FHIT: variants seen among roughly 807,000 people sequenced by gnomAD.
FHIT encodes bis(5'-adenosyl)-triphosphatase.
FHIT carries 19 observed loss-of-function variants against 17.9 expected under a neutral mutation model. The observed-to-expected ratio is 1.06, with a 90% CI of 0.74 to 1.56. The LOEUF (loss-of-function observed/expected upper bound fraction) is 1.56, where lower values mean the gene tolerates loss of function less well. Ranked by LOEUF, FHIT falls within the 40% of genes most tolerant of loss-of-function variation. The pLI is 0.00. For missense variants in FHIT, 248 were observed against 189.2 expected (o/e 1.31, Z -1.82); for synonymous variants, 81 against 69.7 (o/e 1.16, Z -0.81).
chr3:60,249,183 G>A (rs967695180), intron 5 of FHIT, among the ~76,000 whole-genome samples: 6 of 152,086 alleles, frequency 3.9e-5, no homozygotes, highest in African/African-American at 1.2e-4. Flanking sequence ...CAAGGCAGGG[G>A]TAGAATTTTT....
At chr3:60,385,842 T>C (rs1031204016) in intron 5 of FHIT, among the ~76,000 whole-genome samples, 2 of 152,074 alleles carry the variant, frequency 1.3e-5, no homozygotes, top group Admixed American at 6.6e-5. Flanking sequence ...CCTCCCCAAA[T>C]GCTGGAATGA....
intron 5 of FHIT, among the ~76,000 whole-genome samples, chr3:60,332,429 A>G (rs1443656564): frequency 2.6e-5 from 4 of 152,250 alleles, no homozygotes; most frequent in African/African-American, 7.2e-5. Flanking sequence ...AGACAGTATC[A>G]TCACAGAAAG....
In FHIT at chr3:61,249,647, G is replaced by C. The variant is rs142642778; in HGVS notation, c.-213+1654C>G. ...TAGCCTTAGTTTTCTAATCTGTAAA[G>C]TTGATATAAAAATGGTTCTCACTCT... is the stretch of plus-strand genomic sequence containing the variant. On this transcript the variant is annotated intron_variant, in intron 1 of 9. Coordinates refer to ENST00000492590, the MANE Select transcript of FHIT (RefSeq NM_002012.4). Among the ~76,000 whole-genome samples, 567 of 152,192 alleles carry C rather than the reference G, an allele frequency of 3.7e-3. 3 individuals carry two copies. The highest frequency in any genetic ancestry group is 0.013 in the African/African-American group (545 of 41,534).
intron 3 of FHIT, among the ~76,000 whole-genome samples, chr3:60,872,589 G>T (rs1704459429): frequency 6.6e-6 from 1 of 152,004 alleles, no homozygotes; most frequent in South Asian, 2.1e-4. Flanking sequence ...AGAAAATTAT[G>T]CCTCAAAAAT....
chr3:61,236,803 C>T (rs2040240879), intron 1 of FHIT, among the ~76,000 whole-genome samples: 1 of 152,180 alleles, frequency 6.6e-6, no homozygotes, highest in Admixed American at 6.5e-5. Flanking sequence ...CTCCCTCTCT[C>T]TGCTCCCTGC....
At chr3:60,577,854 C>T (rs1450273157) in intron 4 of FHIT, among the ~76,000 whole-genome samples, 1 of 152,266 alleles carries the variant, frequency 6.6e-6, no homozygotes, top group Non-Finnish European at 1.5e-5. Context: ...CAATCTTCTG[C>T]TTCCCCTTTT....
At chr3:59,967,106 T>C (rs1291188025) in intron 7 of FHIT, among the ~76,000 whole-genome samples, 1 of 152,084 alleles carries the variant, frequency 6.6e-6, no homozygotes, top group Non-Finnish European at 1.5e-5. Flanking sequence ...GGATCATCAG[T>C]ATCACTCTCT....
chr3:59,971,965 G>T (rs538516417), intron 7 of FHIT, among the ~76,000 whole-genome samples: 1 of 152,174 alleles, frequency 6.6e-6, no homozygotes, highest in South Asian at 2.1e-4. Flanking sequence ...AAGTTATAAG[G>T]GTTCAACCCC....
At chr3:60,646,305 A>AT (rs1283943362) in intron 4 of FHIT, among the ~76,000 whole-genome samples, 1 of 152,130 alleles carries the variant, frequency 6.6e-6, no homozygotes. Context: ...TTACGCACAC[A>AT]TTTTTTAATA....
At chr3:60,885,782 G>A (rs6804167) in intron 3 of FHIT, among the ~76,000 whole-genome samples, 38,779 of 151,934 alleles carry the variant, frequency 0.26, 5,716 homozygotes, top group African/African-American at 0.39. Context: ...ATTTTGCAAG[G>A]TGGGCTCTTG....
At chr3:61,229,525 T>A (rs2106865442) in intron 1 of FHIT, among the ~76,000 whole-genome samples, 1 of 152,324 alleles carries the variant, frequency 6.6e-6, no homozygotes, top group Middle Eastern at 3.4e-3. Context: ...TAACTCCCAA[T>A]TACTTAGCTA....
chr3:60,195,623 ATAT>A (rs1702605911), intron 5 of FHIT, among the ~76,000 whole-genome samples: 1 of 146,268 alleles, frequency 6.8e-6, no homozygotes, highest in African/African-American at 2.5e-5. Flanking sequence ...ATAATTATAT[ATAT>A]TAATATACAT....
chr3:61,027,112 A>T (rs528595776), intron 3 of FHIT, among the ~76,000 whole-genome samples: 1 of 152,192 alleles, frequency 6.6e-6, no homozygotes, highest in East Asian at 1.9e-4. Flanking sequence ...TTTGAGATGG[A>T]GTCTGGCTCT....
intron 7 of FHIT, among the ~76,000 whole-genome samples, chr3:59,958,454 A>G (rs112770823): frequency 6.6e-6 from 1 of 152,216 alleles, no homozygotes; most frequent in African/African-American, 2.4e-5. Context: ...CTTTTGAAAA[A>G]AACTCTCCAT....
At chr3:60,929,544 CA>C (rs1259078563) in intron 3 of FHIT, among the ~76,000 whole-genome samples, 1 of 151,856 alleles carries the variant, frequency 6.6e-6, no homozygotes, top group Non-Finnish European at 1.5e-5. Context: ...GTGCAAAAAT[CA>C]CAAGCATTCT....
intron 5 of FHIT, among the ~76,000 whole-genome samples, chr3:60,024,531 G>A (rs1322989329): frequency 6.6e-6 from 1 of 152,078 alleles, no homozygotes; most frequent in African/African-American, 2.4e-5. Context: ...ATTAAGAGCC[G>A]ACTACCTGGC....
intron 3 of FHIT, among the ~76,000 whole-genome samples, chr3:60,934,595 A>T (rs1262150279): frequency 2.0e-5 from 3 of 152,204 alleles, no homozygotes; most frequent in Admixed American, 6.5e-5. Flanking sequence ...GTATATGATA[A>T]TTCTCAAAAG....
At chr3:60,210,595 T>C (rs892667509) in intron 5 of FHIT, among the ~76,000 whole-genome samples, 5 of 152,036 alleles carry the variant, frequency 3.3e-5, no homozygotes, top group African/African-American at 1.2e-4. Context: ...GTGAGAAATA[T>C]GAACTGATTA....
intron 5 of FHIT, among the ~76,000 whole-genome samples, chr3:60,349,878 C>G (rs576085082): frequency 6.6e-6 from 1 of 152,284 alleles, no homozygotes; most frequent in East Asian, 1.9e-4. Flanking sequence ...AGACTGTCAA[C>G]TCCATGAGGG....
Sources: allele counts gnomAD v4.1 joint callset (sites outside exome capture counted in the v4.1 genomes callset), GRCh38; gene constraint gnomAD v4.1.1; transcripts MANE v1.5; gene names NCBI Gene and HGNC (gene_info 2026-07-23, HGNC 2026-07-21).